TANC2: variants seen among roughly 807,000 people sequenced by gnomAD.
TANC2 encodes protein TANC2.
A neutral mutation model predicts 210.5 loss-of-function variants in TANC2; 26 were observed. The ratio of observed to expected loss-of-function variants is 0.12; its 90% confidence interval spans 0.09 to 0.17. The LOEUF (loss-of-function observed/expected upper bound fraction) is 0.17, where lower values mean the gene tolerates loss of function less well. Among genes scored for constraint, TANC2 ranks in the 10% least tolerant of loss-of-function variants. The pLI is 1.00. For synonymous variants in TANC2, 931 were observed against 967.1 expected (o/e 0.96, Z 0.69); for missense variants, 2,129 against 2,608.9 (o/e 0.82, Z 4.01).
intron 14 of TANC2, among the ~76,000 whole-genome samples, chr17:63,378,882 G>T (rs750390023): frequency 9.9e-5 from 15 of 152,216 alleles, no homozygotes; most frequent in Admixed American, 2.0e-4. Flanking sequence ...GAGGTTGTAA[G>T]TCCAGTTTGG....
rs138210290 is a variant in TANC2 at position 63,427,065 on chromosome 17, T to C, written c.*5110T>C. 366 of 152,348 alleles carry C rather than the reference T, an allele frequency of 2.4e-3. 4 individuals are homozygous for C. The highest frequency in any genetic ancestry group is 8.6e-3 in the African/African-American group (358 of 41,582). 9.4% of individuals were successfully genotyped at this position (152,348 alleles called of 1,614,324 possible). A position where few individuals can be genotyped will look rare whatever the true frequency, so the allele number is the denominator to read the frequency against. ...AAATCCTGTAAGTTACACTTCCTGT[T>C]CTGGTTTTGTTTTGTTTTTTGTTTC... On this transcript the variant is annotated 3_prime_UTR_variant, in exon 28 of 28. Transcript: ENST00000689528.
At chr17:63,049,739 G>A (rs960313720) in intron 2 of TANC2, among the ~76,000 whole-genome samples, 10 of 152,190 alleles carry the variant, frequency 6.6e-5, no homozygotes, top group African/African-American at 2.4e-4. Flanking sequence ...TCTGGTTGCA[G>A]TATTGAGAAT....
intron 5 of TANC2, among the ~76,000 whole-genome samples, chr17:63,184,975 G>T (rs1288671227): frequency 2.1e-5 from 3 of 141,796 alleles, no homozygotes; most frequent in Admixed American, 7.1e-5. Flanking sequence ...CAGTAATACG[G>T]TTTTTTTTTT....
intron 4 of TANC2, among the ~76,000 whole-genome samples, chr17:63,129,551 CTACTAAAAA>C (rs769212330): frequency 2.6e-5 from 4 of 152,096 alleles, no homozygotes; most frequent in Non-Finnish European, 5.9e-5. Flanking sequence ...AACCCCATCT[CTACTAAAAA>C]TACTAAAAAT....
At chr17:63,332,494 C>A in intron 11 of TANC2, 2 of 409,090 alleles carry the variant, frequency 4.9e-6, no homozygotes, top group South Asian at 2.0e-5. Context: ...TTCCTTGGGC[C>A]TCCTTTGCAA....
chr17:63,037,219 A>G (rs2035008642), intron 2 of TANC2, among the ~76,000 whole-genome samples: 1 of 152,178 alleles, frequency 6.6e-6, no homozygotes, highest in African/African-American at 2.4e-5. Context: ...CATGTAGGGT[A>G]TACAGCATGG....
At chr17:63,397,402 C>G (rs1272544508) in intron 18 of TANC2, among the ~76,000 whole-genome samples, 1 of 152,184 alleles carries the variant, frequency 6.6e-6, no homozygotes, top group East Asian at 1.9e-4. Flanking sequence ...GTGGTTGTAA[C>G]TTATAACGAA....
At chr17:63,187,004 T>C (rs1444491782) in intron 5 of TANC2, among the ~76,000 whole-genome samples, 1 of 152,182 alleles carries the variant, frequency 6.6e-6, no homozygotes, top group South Asian at 2.1e-4. Flanking sequence ...TAGGGACATA[T>C]CTTAATTGGA....
At chr17:63,270,067 A>G (rs1433201959) in intron 9 of TANC2, among the ~76,000 whole-genome samples, 2 of 152,142 alleles carry the variant, frequency 1.3e-5, no homozygotes, top group African/African-American at 4.8e-5. Context: ...AGCAGTCTAA[A>G]CGGTTAGAAC....
intron 5 of TANC2, among the ~76,000 whole-genome samples, chr17:63,169,392 A>T (rs1299467664): frequency 6.6e-6 from 1 of 152,208 alleles, no homozygotes; most frequent in Non-Finnish European, 1.5e-5. Context: ...CCAGCTGATC[A>T]GTCATTTCTC....
chr17:63,099,663 A>G (rs1022627323), intron 4 of TANC2, among the ~76,000 whole-genome samples: 1 of 152,196 alleles, frequency 6.6e-6, no homozygotes, highest in Non-Finnish European at 1.5e-5. Flanking sequence ...TTCATTTATC[A>G]GCTTGTTCAT....
intron 8 of TANC2, among the ~76,000 whole-genome samples, chr17:63,261,111 C>T (rs564134300): frequency 6.2e-4 from 95 of 152,062 alleles, no homozygotes; most frequent in African/African-American, 2.1e-3. Context: ...CAGTGGTGTG[C>T]GCCTGCCTTA....
At chr17:63,024,746 G>T (rs1311461555) in intron 2 of TANC2, among the ~76,000 whole-genome samples, 1 of 152,324 alleles carries the variant, frequency 6.6e-6, no homozygotes, top group South Asian at 2.1e-4. Context: ...TTATAGGTGA[G>T]ATATTAAATG....
At chr17:63,347,410 C>G (rs1598908839) in intron 12 of TANC2, among the ~76,000 whole-genome samples, 1 of 152,204 alleles carries the variant, frequency 6.6e-6, no homozygotes, top group East Asian at 1.9e-4. Context: ...CACAGTATTG[C>G]TTACATGAGT....
At chr17:63,030,915 C>T (rs1330174864) in intron 2 of TANC2, among the ~76,000 whole-genome samples, 2 of 151,934 alleles carry the variant, frequency 1.3e-5, no homozygotes. Flanking sequence ...ATAGGAAAGA[C>T]AAGACCACCT....
At chr17:63,097,344 G>A (rs2037424703) in intron 3 of TANC2, among the ~76,000 whole-genome samples, 1 of 152,050 alleles carries the variant, frequency 6.6e-6, no homozygotes. Context: ...AAGACACCCA[G>A]CTTTGCCCAT....
chr17:63,363,303 A>G (rs532605969), intron 14 of TANC2, among the ~76,000 whole-genome samples: 14 of 152,002 alleles, frequency 9.2e-5, no homozygotes, highest in Non-Finnish European at 1.9e-4. Context: ...CTTCCATTCT[A>G]TGGGTTGTCT....
chr17:62,981,371 A>C (rs1421577843), intron 1 of TANC2, among the ~76,000 whole-genome samples: 1 of 151,592 alleles, frequency 6.6e-6, no homozygotes, highest in African/African-American at 2.4e-5. Flanking sequence ...ACCCCCCCTC[A>C]CCTTCTCAAG....
intron 8 of TANC2, among the ~76,000 whole-genome samples, chr17:63,261,354 A>G (rs2043350890): frequency 6.6e-6 from 1 of 152,178 alleles, no homozygotes; most frequent in African/African-American, 2.4e-5. Context: ...CCACCTGTGG[A>G]CCTGAGGAAA....
Sources: allele counts gnomAD v4.1 joint callset (sites outside exome capture counted in the v4.1 genomes callset), GRCh38; gene constraint gnomAD v4.1.1; transcripts MANE v1.5; gene names NCBI Gene and HGNC (gene_info 2026-07-23, HGNC 2026-07-21).